Variants in LCORL observed in about 807,000 individuals in gnomAD.
The protein encoded by LCORL is ligand-dependent nuclear receptor corepressor-like protein.
Under a neutral mutation model 141.8 loss-of-function variants are expected in LCORL, and 41 were observed. The ratio of observed to expected loss-of-function variants is 0.29; its 90% CI spans 0.23 to 0.38. The LOEUF (loss-of-function observed/expected upper bound fraction) is 0.38, where lower values mean the gene tolerates loss of function less well. Among genes scored for constraint, LCORL ranks in the 10% least tolerant of loss-of-function variants. LCORL has a pLI of 1.00. For synonymous variants in LCORL, 618 were observed against 694.1 expected, an observed-to-expected ratio of 0.89 and a Z score of 1.72; for missense variants, 1,759 against 2,035.0, an observed-to-expected ratio of 0.86 and a Z score of 2.61.
At chr4:17,946,596 A>G (rs1206541823) in intron 4 of LCORL, among the ~76,000 whole-genome samples, 1 of 151,996 alleles carries the variant, frequency 6.6e-6, no homozygotes, top group Non-Finnish European at 1.5e-5. Flanking sequence ...TAAGGAGTTT[A>G]AAATTTACTA....
At chr4:17,886,296 C>T (rs1307193821) in intron 5 of LCORL, 135 bp from the exon 6 acceptor site, 16 of 593,248 alleles carry the variant, frequency 2.7e-5, no homozygotes, top group Non-Finnish European at 4.5e-5. Flanking sequence ...TCATCTTAAA[C>T]GGGTTTAGGA....
intron 1 of LCORL, among the ~76,000 whole-genome samples, chr4:17,973,300 A>C (rs766009670): frequency 1.2e-4 from 18 of 151,868 alleles, no homozygotes; most frequent in Non-Finnish European, 2.4e-4. Context: ...AGAATGAGTA[A>C]ATGAGGGTCA....
At chr4:17,878,585 CA>C (rs1215922009) in intron 6 of LCORL, among the ~76,000 whole-genome samples, 1 of 151,182 alleles carries the variant, frequency 6.6e-6, no homozygotes, top group Non-Finnish European at 1.5e-5. Flanking sequence ...ACATAATTAT[CA>C]GTCTACATTA....
intron 4 of LCORL, among the ~76,000 whole-genome samples, chr4:17,948,040 T>C (rs1739157278): frequency 2.0e-5 from 3 of 152,104 alleles, no homozygotes; most frequent in South Asian, 2.1e-4. Context: ...ATAAATATAA[T>C]TGGATTTTAG....
chr4:17,854,691 A>G (rs1393477539), intron 7 of LCORL, among the ~76,000 whole-genome samples: 1 of 152,142 alleles, frequency 6.6e-6, no homozygotes, highest in Non-Finnish European at 1.5e-5. Context: ...TTTTAAAAAA[A>G]AACAAAAACA....
At chr4:17,930,102 T>C (rs1735765176) in intron 4 of LCORL, among the ~76,000 whole-genome samples, 1 of 152,136 alleles carries the variant, frequency 6.6e-6, no homozygotes, top group Non-Finnish European at 1.5e-5. Context: ...ATACAGATAA[T>C]AACAAGTATT....
At chr4:17,961,747 T>C (rs1487361715) in intron 4 of LCORL, among the ~76,000 whole-genome samples, 156 bp downstream of exon 4, 1 of 151,898 alleles carries the variant, frequency 6.6e-6, no homozygotes, top group Non-Finnish European at 1.5e-5. Flanking sequence ...TGATTGAGAC[T>C]CCTACTGTCC....
rs956970163 is a variant in LCORL at position 17,875,838 on chromosome 4, C to A, written c.3152G>T (p.Gly1051Val). 8.9e-6 allele frequency: 11 copies of A among 1,230,926 alleles called. No homozygotes were observed. The African/African-American group carries it at 1.7e-4, about 19-fold the overall frequency. 76.3% of individuals were successfully genotyped at this position (1,230,926 alleles called of 1,614,324 possible). A position where few individuals can be genotyped will look rare whatever the true frequency, so the allele number is the denominator to read the frequency against. ...TTGTGGCTTATCACTATTTATATCA[C>A]CTATAAACATTGTAGAGGATCCTGC... is the stretch of plus-strand genomic sequence containing the variant. The change falls in exon 7 of 8, where the codon GGT becomes GTT. Residue 1051 changes from glycine (G) to valine (V), a missense_variant. Physicochemically the swap from Gly to Val is moderately radical, Grantham distance 109. This residue lies in a region of LCORL where 1,311 missense variants were observed against 1,531.3 expected (regional missense o/e 0.86). Coordinates refer to ENST00000635767, the Ensembl canonical transcript of LCORL.
chr4:17,855,948 A>G (rs1307341056), intron 7 of LCORL, among the ~76,000 whole-genome samples: 3 of 152,282 alleles, frequency 2.0e-5, no homozygotes, highest in African/African-American at 7.2e-5. Flanking sequence ...TGCTTAAAAA[A>G]GTACAAGGTC....
At chr4:17,844,207 T>A (rs1036329343) in exon 8 of LCORL, 1 of 152,348 alleles carries the variant, frequency 6.6e-6, no homozygotes, top group Non-Finnish European at 1.5e-5. Flanking sequence ...ACGCTACCAA[T>A]TTATGAGCAC....
chr4:17,991,369 T>C (rs988998525), intron 1 of LCORL, among the ~76,000 whole-genome samples: 11 of 152,358 alleles, frequency 7.2e-5, no homozygotes, highest in Non-Finnish European at 1.6e-4. Context: ...TCTGTTCATC[T>C]TTAAATGTTT....
At chr4:17,878,495 T>C (rs945927099) in intron 6 of LCORL, among the ~76,000 whole-genome samples, 1 of 151,484 alleles carries the variant, frequency 6.6e-6, no homozygotes, top group South Asian at 2.1e-4. Context: ...CTGTTTTTAA[T>C]GTATTAAGAA....
At chr4:17,947,337 A>G (rs1244835569) in intron 4 of LCORL, among the ~76,000 whole-genome samples, 3 of 152,018 alleles carry the variant, frequency 2.0e-5, no homozygotes, top group Non-Finnish European at 4.4e-5. Context: ...CAGGAGAATC[A>G]AATTCAAGAA....
intron 4 of LCORL, chr4:17,912,920 G>T: frequency 2.1e-6 from 1 of 469,004 alleles, no homozygotes; most frequent in Non-Finnish European, 4.2e-6. Flanking sequence ...ACCAGCCACC[G>T]GATAGTGGAT....
exon 8 of LCORL, chr4:17,842,659 C>T (rs1722528700): frequency 6.7e-6 from 2 of 299,970 alleles, no homozygotes; most frequent in East Asian, 6.9e-5. Flanking sequence ...CTTTGATCTT[C>T]AGTTAGCAAA....
At chr4:17,953,333 C>A (rs1034005064) in intron 4 of LCORL, among the ~76,000 whole-genome samples, 1 of 152,200 alleles carries the variant, frequency 6.6e-6, no homozygotes, top group Non-Finnish European at 1.5e-5. Context: ...CTGCTTCCCA[C>A]AATGCCTGAG....
At chr4:17,969,848 A>G (rs1447218617) in intron 2 of LCORL, among the ~76,000 whole-genome samples, 5 of 152,178 alleles carry the variant, frequency 3.3e-5, no homozygotes, top group South Asian at 2.1e-4. Context: ...GAGATTTCAG[A>G]AAAAAAGCTC....
intron 4 of LCORL, among the ~76,000 whole-genome samples, chr4:17,911,301 C>G (rs796859233): frequency 6.6e-6 from 1 of 151,540 alleles, no homozygotes; most frequent in Non-Finnish European, 1.5e-5. Flanking sequence ...AGTAAAAGTA[C>G]GAGGGGTCTT....
chr4:17,876,915 A>T, exon 7 of LCORL: 1 of 1,230,792 alleles, frequency 8.1e-7, no homozygotes, highest in Non-Finnish European at 1.0e-6. Context: ...ATTTGGTGAA[A>T]ATGATGTTTC....
Sources: gnomAD v4.1 joint callset for allele counts (sites outside exome capture counted in the v4.1 genomes callset) on GRCh38, gnomAD v4.1.1 for gene constraint, gnomAD v4.1.1 regional missense constraint, MANE v1.5 for transcripts, NCBI Gene and HGNC (gene_info 2026-07-23, HGNC 2026-07-21) for gene names.